Variants in WIPF1 observed in about 807,000 individuals in gnomAD.
The protein encoded by WIPF1 is WAS/WASL-interacting protein family member 1.
WIPF1 carries 13 observed loss-of-function variants against 35.4 expected under a neutral mutation model. The ratio of observed to expected loss-of-function variants is 0.37; its 90% CI spans 0.24 to 0.58. WIPF1 has a LOEUF of 0.58. WIPF1 is among the 20% of genes least tolerant of loss of function. The probability of loss-of-function intolerance (pLI) is 0.74; values close to 1 mark genes in which losing one functional copy is unlikely to be tolerated. For missense variants in WIPF1, 591 were observed against 667.0 expected, an observed-to-expected ratio of 0.89 and a Z score of 1.25; for synonymous variants, 267 against 266.3, an observed-to-expected ratio of 1.00 and a Z score of -0.02.
At chr2:174,680,108 T>G (rs1256904371) in intron 1 of WIPF1, among the ~76,000 whole-genome samples, 1 of 152,232 alleles carries the variant, frequency 6.6e-6, no homozygotes, top group African/African-American at 2.4e-5. Flanking sequence ...TTTTACCTTA[T>G]TTACCAAATT....
intron 1 of WIPF1, chr2:174,630,390 T>G (rs1483683828): frequency 6.6e-6 from 1 of 152,218 alleles, no homozygotes; most frequent in Non-Finnish European, 1.5e-5. Context: ...ACTGTGGAAC[T>G]GGTACTGGAT....
intron 1 of WIPF1, among the ~76,000 whole-genome samples, chr2:174,658,224 A>G (rs1189908221): frequency 6.6e-6 from 1 of 152,130 alleles, no homozygotes; most frequent in Non-Finnish European, 1.5e-5. Context: ...AACCTGAGAG[A>G]TTATCATGGT....
chr2:174,661,907 G>A (rs1407050837), intron 1 of WIPF1, among the ~76,000 whole-genome samples: 1 of 152,148 alleles, frequency 6.6e-6, no homozygotes, highest in East Asian at 1.9e-4. Flanking sequence ...AGAGGCAGGA[G>A]TGCTTACCCT....
rs1263098957 is a variant in WIPF1, at chr2:174,562,432, C to T, written c.*115G>A. ...ACGCATATTCCCACTCCCCCTCCCA[C>T]CTTTCCTCCTGCCCATACATGAGGC... is the stretch of plus-strand genomic sequence containing the variant. On this transcript the variant is annotated 3_prime_UTR_variant, in exon 8 of 8. Coordinates refer to ENST00000679041, the MANE Select transcript of WIPF1 (RefSeq NM_001375834.1). The T allele has an allele frequency of 3.2e-6, 5 of 1,566,912 alleles. No individual in the cohort carries two copies. Among genetic ancestry groups the T allele is most frequent in the Middle Eastern group, 2.0e-4 (1 of 5,070 alleles).
In WIPF1 at chr2:174,568,014, C is replaced by T. The variant is rs755377964; in HGVS notation, c.1189G>A (p.Ala397Thr). ...RNGSTSRALP[A>T]TPQLPSRSGV... ...CTCCTGGATGGCAACTGAGGGGTAG[C>T]AGGCAGGGCCCGAGATGTGCTGCCG... The change falls in exon 6 of 8, where the codon GCT becomes ACT. Residue 397 changes from alanine to threonine, a missense_variant. This residue lies in a region of WIPF1 where 117 missense variants were observed against 149.6 expected (regional missense o/e 0.78). Transcript: ENST00000679041. 1.2e-6 allele frequency: 2 copies of T among 1,613,896 alleles called. No individual in the cohort carries two copies. Among genetic ancestry groups the T allele is most frequent in the Non-Finnish European group, 1.7e-6 (2 of 1,180,030 alleles).
chr2:174,577,917 C>CAA (rs35709277), intron 3 of WIPF1, among the ~76,000 whole-genome samples: 2,389 of 145,060 alleles, frequency 0.016, 53 homozygotes, highest in African/African-American at 0.049. Flanking sequence ...ACCCTGTCTC[C>CAA]AAAAAAAAAA....
chr2:174,591,204 C>A (rs1484922477), intron 1 of WIPF1, among the ~76,000 whole-genome samples: 3 of 152,174 alleles, frequency 2.0e-5, no homozygotes, highest in African/African-American at 7.2e-5. Flanking sequence ...CAAACCTGCC[C>A]ACATCTTGAT....
intron 1 of WIPF1, among the ~76,000 whole-genome samples, chr2:174,623,704 C>T (rs1686744328): frequency 6.6e-6 from 1 of 152,210 alleles, no homozygotes; most frequent in African/African-American, 2.4e-5. Flanking sequence ...GTGACACCAT[C>T]ACCAATAGAG....
chr2:174,604,323 G>A (rs540565351), intron 1 of WIPF1, among the ~76,000 whole-genome samples: 5 of 152,296 alleles, frequency 3.3e-5, no homozygotes, highest in East Asian at 3.9e-4. Flanking sequence ...CTTCACAAAC[G>A]CAGATTTGTA....
rs2105779805 is a variant in WIPF1, at chr2:174,559,650, C to G, written c.*2897G>C. 1 of 152,308 alleles carries G rather than the reference C, an allele frequency of 6.6e-6. No individual in the cohort carries two copies. The highest frequency in any genetic ancestry group is 1.9e-4 in the East Asian group (1 of 5,186). The allele number at this position is 152,308 out of a possible 1,614,324, so 9.4% of individuals were successfully genotyped here. On this transcript the variant is annotated 3_prime_UTR_variant, in exon 8 of 8. Coordinates refer to ENST00000679041, the MANE Select transcript of WIPF1 (RefSeq NM_001375834.1). ...AGGGTAGTCTCTACCCTACCACTTA[C>G]ACTATCCTGATGACACAGATAGCAA... is the stretch of plus-strand genomic sequence containing the variant.
intron 1 of WIPF1, among the ~76,000 whole-genome samples, chr2:174,651,195 C>T (rs549373499): frequency 5.3e-5 from 8 of 152,300 alleles, no homozygotes; most frequent in Middle Eastern, 6.8e-3. Context: ...CACCAGCTAC[C>T]TCAGGCCCTA....
At chr2:174,563,823 C>T (rs147670683) in intron 7 of WIPF1, among the ~76,000 whole-genome samples, 1 of 152,286 alleles carries the variant, frequency 6.6e-6, no homozygotes, top group African/African-American at 2.4e-5. Flanking sequence ...CTCAAGTAGG[C>T]ATCTTGATAG....
In WIPF1 at chr2:174,562,590, C is replaced by T. The variant is rs375410169; in HGVS notation, c.1469G>A (p.Arg490Gln). The part of the protein sequence containing the change: ...ARNESRSGSN[R>Q]RERGAPPLPP... ...GAGTGGTGGAGCACCCCTTTCTCTT[C>T]GGTTGGATCCACCTTGGTGAAAAAA... Residue 490 changes from arginine (R) to glutamine (Q), a missense_variant, in exon 8 of 8, where the codon CGA becomes CAA. Transcript: ENST00000679041. 3.7e-6 allele frequency: 6 copies of T among 1,613,988 alleles called. No homozygotes were observed. Among genetic ancestry groups the T allele is most frequent in the South Asian group, 2.2e-5 (2 of 91,076 alleles).
At chr2:174,663,561 G>C (rs1687824428) in intron 1 of WIPF1, among the ~76,000 whole-genome samples, 1 of 150,620 alleles carries the variant, frequency 6.6e-6, no homozygotes, top group South Asian at 2.1e-4. Flanking sequence ...GAGAGAAGCA[G>C]TTCACTTTGT....
At chr2:174,591,828 C>T (rs181143644) in intron 1 of WIPF1, among the ~76,000 whole-genome samples, 7 of 152,284 alleles carry the variant, frequency 4.6e-5, no homozygotes, top group South Asian at 2.1e-4. Flanking sequence ...ATTTAGACAA[C>T]ATTCACTGAT....
chr2:174,636,196 C>A (rs1471458399), intron 1 of WIPF1, among the ~76,000 whole-genome samples: 1 of 152,182 alleles, frequency 6.6e-6, no homozygotes, highest in Non-Finnish European at 1.5e-5. Flanking sequence ...GTCTCACATT[C>A]TGGGTTAAGC....
intron 1 of WIPF1, among the ~76,000 whole-genome samples, chr2:174,611,928 G>C (rs1686360332): frequency 6.6e-6 from 1 of 151,856 alleles, no homozygotes; most frequent in Non-Finnish European, 1.5e-5. Context: ...ACAGATTCCT[G>C]CTCTATCACC....
rs771812382 is a variant in WIPF1, at chr2:174,572,195, G to A, written c.610C>T (p.Pro204Ser). The change falls in exon 5 of 8, where the codon CCA becomes TCA. Residue 204 changes from proline to serine, a missense_variant. Pro to Ser is a moderately conservative substitution (Grantham distance 74, BLOSUM62 -1). This residue lies in a region of WIPF1 where 471 missense variants were observed against 501.1 expected (regional missense o/e 0.94). Coordinates refer to ENST00000679041, the MANE Select transcript of WIPF1 (RefSeq NM_001375834.1). ...IQSSPHNRGSPPVPGGPRQPS... is the reference protein window; with the variant it reads ...IQSSPHNRGSSPVPGGPRQPS... Reference sequence around the variant, plus strand: ...TGCCTGGGGCCTCCGGGCACTGGTGGGGACCCCCGGTTGTGCGGACTTGAT... The same window carrying A: ...TGCCTGGGGCCTCCGGGCACTGGTGAGGACCCCCGGTTGTGCGGACTTGAT... 57 of 1,614,070 alleles carry A rather than the reference G, an allele frequency of 3.5e-5. No individual in the cohort carries two copies. Among genetic ancestry groups the A allele is most frequent in the South Asian group, 7.7e-5 (7 of 91,092 alleles).
chr2:174,636,171 T>C (rs537908233), intron 1 of WIPF1, among the ~76,000 whole-genome samples: 2 of 152,374 alleles, frequency 1.3e-5, no homozygotes, highest in Middle Eastern at 6.8e-3. Flanking sequence ...TGACTCAATT[T>C]GAATGTATTT....
Sources: allele counts gnomAD v4.1 joint callset (sites outside exome capture counted in the v4.1 genomes callset), GRCh38; gene constraint gnomAD v4.1.1; regional missense constraint gnomAD v4.1.1; transcripts MANE v1.5; gene names NCBI Gene and HGNC (gene_info 2026-07-23, HGNC 2026-07-21).